Variants in EPHB1 observed in about 807,000 individuals in gnomAD.
EPHB1 encodes EPH receptor B1.
In EPHB1, 30 loss-of-function variants were observed where a neutral mutation model predicts 94.4. The observed-to-expected ratio is 0.32, with a 90% CI of 0.24 to 0.43. The LOEUF is 0.43. Among genes scored for constraint, EPHB1 ranks in the 20% least tolerant of loss-of-function variants. EPHB1 has a pLI of 1.00. For synonymous variants in EPHB1, 522 were observed against 489.1 expected, an observed-to-expected ratio of 1.07 and a Z score of -0.89; for missense variants, 1,055 against 1,308.3, an observed-to-expected ratio of 0.81 and a Z score of 2.99.
intron 10 of EPHB1, among the ~76,000 whole-genome samples, chr3:135,184,681 G>A (rs144165234): frequency 6.6e-6 from 1 of 152,322 alleles, no homozygotes; most frequent in African/African-American, 2.4e-5. Context: ...CAGGTGGCAT[G>A]AGATCATGAG....
intron 6 of EPHB1, among the ~76,000 whole-genome samples, chr3:135,159,256 G>T (rs112987662): frequency 6.6e-6 from 1 of 152,162 alleles, no homozygotes; most frequent in Non-Finnish European, 1.5e-5. Context: ...TAATGATTTT[G>T]TGGGGAACAA....
At chr3:134,926,008 C>T in intron 2 of EPHB1, 128 bp downstream of exon 2, 2 of 752,546 alleles carry the variant, frequency 2.7e-6, no homozygotes, top group South Asian at 4.6e-5. Flanking sequence ...TGGCTGTGTC[C>T]ACTGCCCATC....
intron 1 of EPHB1, chr3:134,796,442 G>A (rs1224416251): frequency 6.6e-6 from 1 of 152,234 alleles, no homozygotes; most frequent in Non-Finnish European, 1.5e-5. Flanking sequence ...CACCACCCCG[G>A]AGAGGATACT....
chr3:134,926,559 C>T (rs36183), intron 2 of EPHB1, among the ~76,000 whole-genome samples: 86,308 of 152,028 alleles, frequency 0.57, 25,948 homozygotes, highest in African/African-American at 0.79. Flanking sequence ...GGAGGAATGC[C>T]GGTTGAAAGG....
intron 3 of EPHB1, among the ~76,000 whole-genome samples, chr3:135,058,125 G>T (rs1937396828): frequency 6.6e-6 from 1 of 152,212 alleles, no homozygotes; most frequent in African/African-American, 2.4e-5. Flanking sequence ...GGGGAGACAG[G>T]AATGAGACTG....
intron 2 of EPHB1, among the ~76,000 whole-genome samples, chr3:134,946,846 T>C (rs1286731461): frequency 6.6e-6 from 1 of 152,200 alleles, no homozygotes; most frequent in Admixed American, 6.5e-5. Flanking sequence ...AAGTAGATTG[T>C]GGTGCCATGC....
chr3:135,015,301 C>T (rs1414351585), intron 3 of EPHB1, among the ~76,000 whole-genome samples: 2 of 151,764 alleles, frequency 1.3e-5, no homozygotes, highest in Admixed American at 1.3e-4. Flanking sequence ...AGTGCAGTGG[C>T]ATGATCTCGG....
chr3:135,010,220 G>C (rs1408369576), intron 3 of EPHB1, among the ~76,000 whole-genome samples: 1 of 152,166 alleles, frequency 6.6e-6, no homozygotes, highest in East Asian at 1.9e-4. Flanking sequence ...TTTGGGTAGA[G>C]TAAAGATGAG....
rs1938157241 is a variant in EPHB1 at position 135,081,360 on chromosome 3, G to C, written c.806-25088G>C. Among the ~76,000 whole-genome samples, 3 of 152,194 alleles carry C rather than the reference G, an allele frequency of 2.0e-5. 1 individual carries two copies. Among genetic ancestry groups the C allele is most frequent in the Non-Finnish European group, 4.4e-5 (3 of 68,026 alleles). On this transcript the variant is annotated intron_variant, in intron 3 of 15. Coordinates refer to ENST00000398015, the MANE Select transcript of EPHB1 (RefSeq NM_004441.5). The stretch of plus-strand genomic sequence containing the variant: ...TGTAAAAATATTCCAGGGTTTTCGA[G>C]TAGAATCAGATTTGCTAAAGGGGCT...
chr3:135,036,559 T>C (rs1205699072), intron 3 of EPHB1, among the ~76,000 whole-genome samples: 1 of 152,190 alleles, frequency 6.6e-6, no homozygotes, highest in African/African-American at 2.4e-5. Flanking sequence ...TGCTGTCTTC[T>C]ACATTAACTT....
chr3:135,164,408 C>G (rs929245794), intron 7 of EPHB1, among the ~76,000 whole-genome samples: 1 of 152,338 alleles, frequency 6.6e-6, no homozygotes, highest in South Asian at 2.1e-4. Context: ...ATACCCTGCT[C>G]TTCACCCAGA....
At chr3:135,101,713 A>G (rs1939042778) in intron 3 of EPHB1, among the ~76,000 whole-genome samples, 1 of 152,174 alleles carries the variant, frequency 6.6e-6, no homozygotes, top group African/African-American at 2.4e-5. Flanking sequence ...TGTTTAAAGC[A>G]TGAATTCTAT....
At chr3:135,198,544 TG>T (rs1559871768) in intron 11 of EPHB1, among the ~76,000 whole-genome samples, 1 of 152,150 alleles carries the variant, frequency 6.6e-6, no homozygotes, top group Non-Finnish European at 1.5e-5. Flanking sequence ...GAGCTCAGCA[TG>T]TGCTGAGTAG....
chr3:135,226,483 C>T (rs933993908), intron 12 of EPHB1, among the ~76,000 whole-genome samples: 7 of 152,052 alleles, frequency 4.6e-5, no homozygotes, highest in East Asian at 1.9e-4. Context: ...GGCAGGAGCC[C>T]GAGTACTCAG....
rs367562212 is a variant in EPHB1 at position 135,132,913 on chromosome 3, G to C, written c.1161G>C (p.Thr387=). ...TTGTGCCCAGGCAGCTGGGCCTGAC[G>C]GAGTGCCGCGTCTCCATCAGCAGCC... ...VEFVPRQLGL[T]ECRVSISSLW... Residue 387 remains threonine (T), a synonymous_variant, in exon 5 of 16, where the codon ACG becomes ACC. Coordinates refer to ENST00000398015, the MANE Select transcript of EPHB1 (RefSeq NM_004441.5). 6.2e-7 allele frequency: 1 copy of C among 1,614,036 alleles called. No individual in the cohort carries two copies. Among genetic ancestry groups the C allele is most frequent in the Non-Finnish European group, 8.5e-7 (1 of 1,179,894 alleles).
At chr3:134,814,622 CCGAAATGGG>C (rs1470213321) in intron 1 of EPHB1, among the ~76,000 whole-genome samples, 9 of 152,134 alleles carry the variant, frequency 5.9e-5, no homozygotes, top group African/African-American at 2.2e-4. Context: ...CCAGAATCAT[CCGAAATGGG>C]GAACCTGCAG....
At chr3:135,158,155 T>C (rs1183530530) in intron 6 of EPHB1, among the ~76,000 whole-genome samples, 1 of 152,240 alleles carries the variant, frequency 6.6e-6, no homozygotes, top group Non-Finnish European at 1.5e-5. Flanking sequence ...CTGCTCCATG[T>C]GGCCTTGGAA....
intron 2 of EPHB1, among the ~76,000 whole-genome samples, chr3:134,935,075 T>C (rs1007397752): frequency 6.6e-6 from 1 of 152,156 alleles, no homozygotes; most frequent in African/African-American, 2.4e-5. Context: ...GACTGACTCA[T>C]TGATGACAGC....
intron 3 of EPHB1, among the ~76,000 whole-genome samples, chr3:134,960,901 T>G (rs1933491716): frequency 6.9e-6 from 1 of 145,162 alleles, no homozygotes; most frequent in African/African-American, 2.6e-5. Context: ...AGTAGACTAC[T>G]CAGCTTCAGG....
Sources: gnomAD v4.1 joint callset for allele counts (sites outside exome capture counted in the v4.1 genomes callset) on GRCh38, gnomAD v4.1.1 for gene constraint, MANE v1.5 for transcripts, NCBI Gene and HGNC (gene_info 2026-07-23, HGNC 2026-07-21) for gene names.